Variants in RAPH1 observed in about 807,000 individuals in gnomAD.
RAPH1 encodes the protein Ras association (RalGDS/AF-6) and pleckstrin homology domains 1.
RAPH1 carries 18 observed loss-of-function variants against 88.1 expected under a neutral mutation model. The observed-to-expected ratio is 0.20, with a 90% confidence interval of 0.14 to 0.30. RAPH1 has a LOEUF of 0.30. Among genes scored for constraint, RAPH1 ranks in the 10% least tolerant of loss-of-function variants. The pLI is 1.00. For missense variants in RAPH1, 1,448 were observed against 1,543.2 expected (o/e 0.94, Z 1.03); for synonymous variants, 587 against 559.0 (o/e 1.05, Z -0.71).
At chr2:203,502,815 G>A (rs564405588) in intron 1 of RAPH1, among the ~76,000 whole-genome samples, 63 of 142,346 alleles carry the variant, frequency 4.4e-4, no homozygotes, top group Non-Finnish European at 5.3e-4. Context: ...GTGAGACTCC[G>A]TCCCAAAAAA....
rs1688183808 is a variant in RAPH1, at chr2:203,490,005, C to T, written c.311G>A (p.Gly104Asp). Reference sequence around the variant, plus strand: ...GATTTGACGCTTACTGTTTCCTGAACCAATGCTGCTGAGCTCCTGCTCTAT... The same window carrying T: ...GATTTGACGCTTACTGTTTCCTGAATCAATGCTGCTGAGCTCCTGCTCTAT... ...CSIEQELSSIGSGNSKRQITE... is the reference protein window; with the variant it reads ...CSIEQELSSIDSGNSKRQITE... Residue 104 changes from glycine to aspartate, a missense_variant, in exon 4 of 14, where the codon GGT (glycine) becomes GAT (aspartate). By Grantham distance (94) the Gly-to-Asp change is moderately conservative (BLOSUM62 -1). Transcript: ENST00000319170. 2 of 1,614,098 alleles carry T rather than the reference C, an allele frequency of 1.2e-6. No individual in the cohort carries two copies. Among genetic ancestry groups the T allele is most frequent in the South Asian group, 2.2e-5 (2 of 91,086 alleles).
chr2:203,482,368 T>C (rs1687769359), intron 4 of RAPH1, among the ~76,000 whole-genome samples: 1 of 152,086 alleles, frequency 6.6e-6, no homozygotes, highest in Non-Finnish European at 1.5e-5. Flanking sequence ...GTATTTTTAG[T>C]AGAGATGGGG....
chr2:203,488,171 G>A (rs1194121718), intron 4 of RAPH1, among the ~76,000 whole-genome samples: 1 of 152,070 alleles, frequency 6.6e-6, no homozygotes, highest in Non-Finnish European at 1.5e-5. Context: ...CTCAGCTTTT[G>A]TTGAACTTGT....
At chr2:203,480,147 G>C (rs1687656404) in intron 4 of RAPH1, among the ~76,000 whole-genome samples, 1 of 152,234 alleles carries the variant, frequency 6.6e-6, no homozygotes, top group Non-Finnish European at 1.5e-5. Flanking sequence ...TCTCTGCAAA[G>C]TAAGTTATGA....
intron 2 of RAPH1, among the ~76,000 whole-genome samples, chr2:203,492,809 T>G (rs1427378498): frequency 6.6e-6 from 1 of 152,032 alleles, no homozygotes; most frequent in Non-Finnish European, 1.5e-5. Context: ...TCATGCTCTG[T>G]TGCCCAGACA....
chr2:203,490,680 TTA>T (rs1201649785), intron 3 of RAPH1, among the ~76,000 whole-genome samples: 1 of 152,150 alleles, frequency 6.6e-6, no homozygotes, highest in Non-Finnish European at 1.5e-5. Context: ...CAACTATCTT[TTA>T]GTTATGTTCT....
At position 203,439,640 on chromosome 2, in the gene RAPH1, G is replaced by A; in HGVS notation, c.3550C>T (p.Leu1184Phe). 1 of 1,614,156 alleles carries A rather than the reference G, an allele frequency of 6.2e-7. No homozygotes were observed. The highest frequency in any genetic ancestry group is 1.7e-5 in the Admixed American group (1 of 60,018). Residue 1184 changes from leucine to phenylalanine, a missense_variant, in exon 14 of 14, where the codon CTC becomes TTC. Physicochemically the swap from Leu to Phe is conservative, Grantham distance 22 (BLOSUM62 0). Around this residue, in one of 2 missense-constraint regions of RAPH1, gnomAD observed 935 missense variants for 890.1 expected, o/e 1.05. Coordinates refer to ENST00000319170, the MANE Select transcript of RAPH1 (RefSeq NM_213589.3). ...TCTGCTCTGGACATGCGGGAGGAGAGTGAGCCGTGCCGAGTGATGGACTTT... is the reference window on the plus strand; with the variant it reads ...TCTGCTCTGGACATGCGGGAGGAGAATGAGCCGTGCCGAGTGATGGACTTT... ...QRKSITRHGS[L>F]SSRMSRAEPT...
rs573057771 is a variant in RAPH1, at chr2:203,434,711, C to A, written c.*4726G>T. On this transcript the variant is annotated 3_prime_UTR_variant, in exon 14 of 14. Coordinates refer to ENST00000319170, the MANE Select transcript of RAPH1 (RefSeq NM_213589.3). ...TAGTGCTGCAGACAAGTTTTACTGC[C>A]TAAGACGTTGAGGCTGCAACAATCA... The A allele has an allele frequency of 6.6e-6, 1 of 152,450 alleles. No individual in the cohort carries two copies. Among genetic ancestry groups the A allele is most frequent in the South Asian group, 2.1e-4 (1 of 4,824 alleles). 9.4% of individuals were successfully genotyped at this position (152,450 alleles called of 1,614,324 possible). A position where few individuals can be genotyped will look rare whatever the true frequency, so the allele number is the denominator to read the frequency against.
intron 4 of RAPH1, among the ~76,000 whole-genome samples, chr2:203,472,137 T>TA (rs2098533721): frequency 1.3e-5 from 2 of 151,346 alleles, no homozygotes; most frequent in African/African-American, 4.9e-5. Context: ...CTTTTTTTTT[T>TA]TTTTTATTTT....
rs2098503523 is a variant in RAPH1 at position 203,441,167 on chromosome 2, T to C, written c.2023A>G (p.Asn675Asp). The C allele has an allele frequency of 6.2e-7, 1 of 1,611,784 alleles. No individual in the cohort carries two copies. Among genetic ancestry groups the C allele is most frequent in the South Asian group, 1.1e-5 (1 of 90,982 alleles). The change falls in exon 14 of 14, where the codon AAT becomes GAT. Residue 675 changes from asparagine to aspartate, a missense_variant. By Grantham distance (23) the Asn-to-Asp change is conservative (BLOSUM62 1). This residue lies in a region of RAPH1 where 935 missense variants were observed against 890.1 expected (regional missense o/e 1.05). Coordinates refer to ENST00000319170, the MANE Select transcript of RAPH1 (RefSeq NM_213589.3). ...AGGGCCCCTGAATGCTGAGACGCAT[T>C]CTGTAGCCGTGTTATTGTGCTGTAC... The part of the protein sequence containing the change: ...VKYSTITRLQ[N>D]ASQHSGALFK...
chr2:203,520,522 G>A (rs1372216936), intron 1 of RAPH1, among the ~76,000 whole-genome samples: 1 of 151,956 alleles, frequency 6.6e-6, no homozygotes, highest in East Asian at 1.9e-4. Context: ...AGCTACTCAG[G>A]AGGCTGAGGC....
intron 6 of RAPH1, among the ~76,000 whole-genome samples, chr2:203,460,685 T>G (rs571621500): frequency 2.0e-5 from 3 of 152,168 alleles, no homozygotes; most frequent in Non-Finnish European, 4.4e-5. Flanking sequence ...TTGTTACCTT[T>G]TAAAAAAACT....
chr2:203,526,875 C>A (rs952655185), intron 1 of RAPH1, among the ~76,000 whole-genome samples: 1 of 151,798 alleles, frequency 6.6e-6, no homozygotes, highest in Non-Finnish European at 1.5e-5. Flanking sequence ...CCTCTCCCTC[C>A]CAGGTTCAAG....
At chr2:203,521,076 C>T (rs539260522) in intron 1 of RAPH1, among the ~76,000 whole-genome samples, 9 of 152,144 alleles carry the variant, frequency 5.9e-5, no homozygotes, top group Middle Eastern at 3.4e-3. Context: ...GTTTTTGAGA[C>T]GGAGTCTTGC....
intron 1 of RAPH1, among the ~76,000 whole-genome samples, chr2:203,521,378 T>C (rs1689861015): frequency 6.6e-6 from 1 of 152,224 alleles, no homozygotes; most frequent in East Asian, 1.9e-4. Context: ...TTGAAAAATA[T>C]AAATATATAT....
At chr2:203,513,373 G>C (rs1444983966) in intron 1 of RAPH1, among the ~76,000 whole-genome samples, 1 of 27,688 alleles carries the variant, frequency 3.6e-5, no homozygotes, top group Non-Finnish European at 5.7e-5. Flanking sequence ...TTTTTTTTTT[G>C]AGATAGAGTC....
At chr2:203,490,958 C>T (rs190631576) in intron 3 of RAPH1, among the ~76,000 whole-genome samples, 74 of 150,496 alleles carry the variant, frequency 4.9e-4, no homozygotes, top group African/African-American at 1.7e-3. Flanking sequence ...GCAGGAGAAT[C>T]GCTTGAACCT....
intron 1 of RAPH1, among the ~76,000 whole-genome samples, chr2:203,534,661 C>G (rs1440032613): frequency 1.3e-5 from 2 of 152,164 alleles, no homozygotes; most frequent in Non-Finnish European, 2.9e-5. Context: ...CTTTCAAAAT[C>G]TCTGCACTGA....
Position 203,437,791 on chromosome 2 carries a change from T to C in RAPH1, c.*1646A>G, listed in dbSNP as rs2098499682. ...CCCCCACTTTACTGGCATCACTTTTTCCTTGTGGGACAATGTCAACTGATT... is the reference window on the plus strand; with the variant it reads ...CCCCCACTTTACTGGCATCACTTTTCCCTTGTGGGACAATGTCAACTGATT... On this transcript the variant is annotated 3_prime_UTR_variant, in exon 14 of 14. Coordinates refer to ENST00000319170, the MANE Select transcript of RAPH1 (RefSeq NM_213589.3). 5.2e-6 allele frequency: 1 copy of C among 190,804 alleles called. No individual in the cohort carries two copies. Among genetic ancestry groups the C allele is most frequent in the South Asian group, 1.1e-4 (1 of 9,518 alleles). 11.8% of individuals were successfully genotyped at this position (190,804 alleles called of 1,614,324 possible).
Sources: allele counts gnomAD v4.1 joint callset (sites outside exome capture counted in the v4.1 genomes callset), GRCh38; gene constraint gnomAD v4.1.1; regional missense constraint gnomAD v4.1.1; transcripts MANE v1.5; gene names NCBI Gene and HGNC (gene_info 2026-07-23, HGNC 2026-07-21).